The following PCDHGA3 variants were observed in gnomAD, a reference collection of about 807,000 sequenced individuals.
PCDHGA3 encodes the protein protocadherin gamma-A3.
A neutral mutation model predicts 58.5 loss-of-function variants in PCDHGA3; 40 were observed. The observed-to-expected ratio is 0.68, with a 90% CI of 0.53 to 0.89. The LOEUF (loss-of-function observed/expected upper bound fraction) is 0.89. Ranked by LOEUF, PCDHGA3 falls within the 40% of genes least tolerant of loss-of-function variation. PCDHGA3 has a pLI of 0.00. For synonymous variants in PCDHGA3, 530 were observed against 525.7 expected, an observed-to-expected ratio of 1.01 and a Z score of -0.11; for missense variants, 1,223 against 1,195.9, an observed-to-expected ratio of 1.02 and a Z score of -0.33.
At chr5:141,385,172 C>T (rs1013319688) in intron 1 of PCDHGA3, 1 of 1,614,092 alleles carries the variant, frequency 6.2e-7, no homozygotes, top group African/African-American at 1.3e-5. Flanking sequence ...CATGAGGTCT[C>T]CCTCACCGCG....
chr5:141,427,694 A>T (rs758628764), intron 1 of PCDHGA3: 2 of 913,932 alleles, frequency 2.2e-6, no homozygotes, highest in Non-Finnish European at 3.5e-6. Context: ...CCTCCATCCC[A>T]CAAGTCAGCG....
At chr5:141,440,617 C>T (rs1469883341) in intron 1 of PCDHGA3, 1 of 152,168 alleles carries the variant, frequency 6.6e-6, no homozygotes, top group East Asian at 1.9e-4. Context: ...TGCAGAAGAT[C>T]CTGATGTTGA....
At chr5:141,510,831 A>T (rs2154594660) in intron 3 of PCDHGA3, 116 bp from the exon 4 acceptor site, 1 of 1,577,022 alleles carries the variant, frequency 6.3e-7, no homozygotes, top group East Asian at 2.2e-5. Context: ...CCCAGTGCTC[A>T]GCGTGGTCAA....
rs751918675 is a variant in PCDHGA3 at position 141,376,240 on chromosome 5, G to A, written c.2424+29783G>A. ...TGCTGGCGCTCAGACTGCAGCGCTG[G>A]CACAAGTCACGCCTGCTGCAGGCTT... On this transcript the variant is annotated intron_variant, in intron 1 of 3. Transcript: ENST00000253812. The A allele has an allele frequency of 1.9e-6, 3 of 1,614,202 alleles. No individual in the cohort carries two copies. In the South Asian group the frequency reaches 3.3e-5, roughly 18 times the overall value.
intron 1 of PCDHGA3, chr5:141,351,149 A>G (rs1588485949): frequency 6.2e-7 from 1 of 1,614,066 alleles, no homozygotes; most frequent in Non-Finnish European, 8.5e-7. Flanking sequence ...TACTGGCGAC[A>G]TCACAACCAA....
intron 1 of PCDHGA3, chr5:141,365,169 CTT>C: frequency 1.2e-6 from 2 of 1,613,926 alleles, no homozygotes; most frequent in South Asian, 2.2e-5. Flanking sequence ...TTGACCTACT[CTT>C]TTCGCAATGA....
At chr5:141,461,830 CTT>C (rs1030113508) in intron 1 of PCDHGA3, among the ~76,000 whole-genome samples, 1 of 145,180 alleles carries the variant, frequency 6.9e-6, no homozygotes, top group Non-Finnish European at 1.5e-5. Context: ...ATTTTTTTTT[CTT>C]TTTTTTTTGA....
intron 1 of PCDHGA3, among the ~76,000 whole-genome samples, chr5:141,474,586 A>G (rs149003643): frequency 6.6e-6 from 1 of 152,222 alleles, no homozygotes; most frequent in Non-Finnish European, 1.5e-5. Flanking sequence ...AGTGTTAAAG[A>G]CATGGAAATA....
chr5:141,414,357 A>G, intron 1 of PCDHGA3: 3 of 1,613,888 alleles, frequency 1.9e-6, no homozygotes, highest in Non-Finnish European at 2.5e-6. Flanking sequence ...TGGCGTATCT[A>G]CCATTTAAAT....
chr5:141,399,988 G>C, intron 1 of PCDHGA3: 1 of 1,612,442 alleles, frequency 6.2e-7, no homozygotes, highest in Non-Finnish European at 8.5e-7. Context: ...GCGCACAGGA[G>C]AGGTGCGCAC....
chr5:141,393,016 C>G, intron 1 of PCDHGA3: 1 of 1,613,872 alleles, frequency 6.2e-7, no homozygotes, highest in East Asian at 2.2e-5. Flanking sequence ...CGTATCGTCT[C>G]CAGAGGTAGG....
intron 2 of PCDHGA3, among the ~76,000 whole-genome samples, chr5:141,499,689 C>CTTTTTTT (rs545067566): frequency 3.3e-5 from 4 of 119,856 alleles, no homozygotes; most frequent in Admixed American, 8.7e-5. Context: ...TAACAGATGA[C>CTTTTTTT]TTTTTTTTTT....
intron 1 of PCDHGA3, chr5:141,362,465 C>G: frequency 1.2e-6 from 2 of 1,614,054 alleles, no homozygotes; most frequent in Non-Finnish European, 1.7e-6. Context: ...TTGGTTCCCG[C>G]GCAAGATCTC....
rs184178455 is a variant in PCDHGA3 at position 141,428,574 on chromosome 5, T to C, written c.2425-66233T>C. ...CAGTCCCCCCACAAGATCTTTCTAA[T>C]GAAGTTTCTCTGGTAGCAAGCTTCA... is the stretch of plus-strand genomic sequence containing the variant. On this transcript the variant is annotated intron_variant, in intron 1 of 3. Transcript: ENST00000253812. 1.8e-3 allele frequency: 416 copies of C among 229,070 alleles called. 3 individuals are homozygous for C. The highest frequency in any genetic ancestry group is 2.8e-3 in the Non-Finnish European group (314 of 113,918). The allele number at this position is 229,070 out of a possible 1,614,324, so 14.2% of individuals were successfully genotyped here. A position where few individuals can be genotyped will look rare whatever the true frequency, so the allele number is the denominator to read the frequency against.
In PCDHGA3 at chr5:141,432,518, C is replaced by T. The variant is rs1314948517; in HGVS notation, c.2425-62289C>T. 6.2e-7 allele frequency: 1 copy of T among 1,614,126 alleles called. No homozygotes were observed. The highest frequency in any genetic ancestry group is 8.5e-7 in the Non-Finnish European group (1 of 1,180,024). On this transcript the variant is annotated intron_variant, in intron 1 of 3. Coordinates refer to ENST00000253812, the MANE Select transcript of PCDHGA3 (RefSeq NM_018916.4). This position sits in a 1 kb window ranked among gnomAD's most constrained non-coding sequence, Gnocchi z 6.0. The stretch of plus-strand genomic sequence containing the variant: ...TCCCCGCTCCGCAGAGCCCGGCTAC[C>T]TGGTGACCAAGGTGGTGGCGGTGGA...
intron 1 of PCDHGA3, among the ~76,000 whole-genome samples, chr5:141,460,120 A>C (rs1404213559): frequency 1.3e-5 from 2 of 151,956 alleles, no homozygotes; most frequent in Non-Finnish European, 2.9e-5. Flanking sequence ...ATTTTTATAT[A>C]TGTAATATAT....
chr5:141,418,434 C>T, intron 1 of PCDHGA3: 5 of 1,613,944 alleles, frequency 3.1e-6, no homozygotes, highest in Non-Finnish European at 4.2e-6. Context: ...GGCAAATATC[C>T]AGAATTAGTA....
At chr5:141,412,509 A>G (rs1452202369) in intron 1 of PCDHGA3, 2 of 152,208 alleles carry the variant, frequency 1.3e-5, no homozygotes, top group Admixed American at 1.3e-4. Flanking sequence ...AATAAGTTTA[A>G]TGAATTAAGT....
intron 1 of PCDHGA3, chr5:141,364,169 C>A: frequency 1.3e-6 from 1 of 765,758 alleles, no homozygotes; most frequent in Non-Finnish European, 1.9e-6. Flanking sequence ...GGCGACCCGA[C>A]TCTGCTCCCT....
Sources: allele counts gnomAD v4.1 joint callset (sites outside exome capture counted in the v4.1 genomes callset), GRCh38; gene constraint gnomAD v4.1.1; non-coding constraint Gnocchi (gnomAD v3.1); transcripts MANE v1.5; gene names NCBI Gene and HGNC (gene_info 2026-07-23, HGNC 2026-07-21).